The following MYBL2 variants were observed in gnomAD, a reference collection of about 807,000 sequenced individuals.
The protein encoded by MYBL2 is MYB proto-oncogene like 2.
MYBL2 carries 28 observed loss-of-function variants against 79.9 expected under a neutral mutation model. That is an observed-to-expected ratio of 0.35 (90% CI 0.26 to 0.48). MYBL2 has a LOEUF of 0.48. Ranked by LOEUF, MYBL2 falls within the 20% of genes least tolerant of loss-of-function variation. The pLI, the probability that MYBL2 is intolerant of heterozygous loss-of-function variation, is 0.99. For missense variants in MYBL2, 735 were observed against 893.9 expected (o/e 0.82, Z 2.27); for synonymous variants, 378 against 361.2 (o/e 1.05, Z -0.53).
chr20:43,715,842 G>T, intron 13 of MYBL2, 117 bp from the exon 14 acceptor site: 1 of 1,353,650 alleles, frequency 7.4e-7, no homozygotes, highest in Non-Finnish European at 1.0e-6. Flanking sequence ...GAATAAGAAG[G>T]CTCTGGCTTC....
intron 2 of MYBL2, among the ~76,000 whole-genome samples, chr20:43,678,193 A>G (rs1292856682): frequency 1.3e-5 from 2 of 152,106 alleles, no homozygotes; most frequent in Non-Finnish European, 2.9e-5. Flanking sequence ...TCTGCCTAGG[A>G]AAACCAGAGA....
intron 2 of MYBL2, among the ~76,000 whole-genome samples, chr20:43,679,183 C>A (rs920700695): frequency 1.3e-5 from 2 of 152,150 alleles, no homozygotes; most frequent in Non-Finnish European, 2.9e-5. Context: ...GGCTGGCTCA[C>A]CCAGAGAATT....
At chr20:43,697,288 G>A (rs1987566638) in intron 6 of MYBL2, among the ~76,000 whole-genome samples, 1 of 150,804 alleles carries the variant, frequency 6.6e-6, no homozygotes, top group African/African-American at 2.4e-5. Flanking sequence ...TTTTTTTTCA[G>A]CTTTATTAAA....
chr20:43,694,366 A>G (rs1987482268), intron 6 of MYBL2, among the ~76,000 whole-genome samples: 1 of 125,254 alleles, frequency 8.0e-6, no homozygotes, highest in South Asian at 3.0e-4. Flanking sequence ...AAATAAATAA[A>G]TAAAAATTTG....
intron 9 of MYBL2, among the ~76,000 whole-genome samples, chr20:43,706,960 C>T (rs920226859): frequency 5.3e-5 from 8 of 151,274 alleles, no homozygotes; most frequent in Non-Finnish European, 1.0e-4. Flanking sequence ...GTGATCCACT[C>T]GCCTCGGCTT....
At chr20:43,705,529 C>T (rs1372572945) in intron 9 of MYBL2, among the ~76,000 whole-genome samples, 171 bp downstream of exon 9, 8 of 152,096 alleles carry the variant, frequency 5.3e-5, no homozygotes, top group Non-Finnish European at 7.4e-5. Flanking sequence ...TCATTTTTAT[C>T]GATATAGTTT....
At chr20:43,678,568 G>T (rs1275163438) in intron 2 of MYBL2, among the ~76,000 whole-genome samples, 1 of 151,990 alleles carries the variant, frequency 6.6e-6, no homozygotes, top group Non-Finnish European at 1.5e-5. Flanking sequence ...CGATAAGAGA[G>T]ATGGGTGGCC....
Position 43,692,119 on chromosome 20 carries a change from AG to A in MYBL2, c.501-37del, listed in dbSNP as rs535607704. ...ATGTGCCTGATGGCACCCCACCCAC[AG>A]AGCTGGGGTTCAAAGGCCCCCTGCT... On this transcript the variant is annotated intron_variant, in intron 5 of 13. Coordinates refer to ENST00000217026, the MANE Select transcript of MYBL2 (RefSeq NM_002466.4). 133 of 1,597,974 alleles carry A rather than the reference AG, an allele frequency of 8.3e-5. No homozygotes were observed. In the African/African-American group the frequency reaches 1.2e-3, roughly 14 times the overall value.
intron 5 of MYBL2, among the ~76,000 whole-genome samples, chr20:43,689,028 G>T (rs570359315): frequency 6.6e-6 from 1 of 152,086 alleles, no homozygotes; most frequent in East Asian, 1.9e-4. Flanking sequence ...GACCTCAGGT[G>T]ATCTGCCTGC....
chr20:43,670,727 A>G (rs771602777), intron 1 of MYBL2, among the ~76,000 whole-genome samples: 52 of 152,248 alleles, frequency 3.4e-4, no homozygotes, highest in Non-Finnish European at 5.7e-4. Flanking sequence ...TGAGCTTTGG[A>G]GAACAAGGAG....
At chr20:43,669,945 A>T (rs181713684) in intron 1 of MYBL2, among the ~76,000 whole-genome samples, 7 of 152,296 alleles carry the variant, frequency 4.6e-5, no homozygotes, top group African/African-American at 1.4e-4. Flanking sequence ...CTCTACCAAA[A>T]ATACAAAAAT....
chr20:43,675,037 C>G (rs1600542054), intron 2 of MYBL2, among the ~76,000 whole-genome samples: 2 of 152,056 alleles, frequency 1.3e-5, no homozygotes, highest in Non-Finnish European at 2.9e-5. Flanking sequence ...GGCTGGAGTG[C>G]CGTGCTAGCA....
chr20:43,695,725 A>C (rs1244328659), intron 6 of MYBL2, among the ~76,000 whole-genome samples: 1 of 130,680 alleles, frequency 7.7e-6, no homozygotes, highest in Non-Finnish European at 1.7e-5. Context: ...ACACACCTGT[A>C]GTTCCAACTA....
intron 2 of MYBL2, among the ~76,000 whole-genome samples, chr20:43,674,231 A>C (rs3092244): frequency 0.79 from 75,728 of 95,462 alleles, 30,441 homozygotes; most frequent in Non-Finnish European, 0.86. Context: ...AACTCCCCCC[A>C]CCCTTTTTTT....
intron 6 of MYBL2, among the ~76,000 whole-genome samples, chr20:43,694,633 C>A (rs1987490960): frequency 6.6e-6 from 1 of 152,088 alleles, no homozygotes; most frequent in Non-Finnish European, 1.5e-5. Flanking sequence ...CTCGATTGCC[C>A]AATATGAATG....
At chr20:43,703,948 G>A (rs1987725937) in intron 8 of MYBL2, among the ~76,000 whole-genome samples, 1 of 151,992 alleles carries the variant, frequency 6.6e-6, no homozygotes, top group East Asian at 1.9e-4. Context: ...ATTTTTTCTT[G>A]TAAAACCTCT....
intron 1 of MYBL2, among the ~76,000 whole-genome samples, chr20:43,670,258 G>A (rs1986825487): frequency 6.6e-6 from 1 of 152,192 alleles, no homozygotes; most frequent in Admixed American, 6.5e-5. Flanking sequence ...TCTGTCACGA[G>A]CTGTCTGGGG....
chr20:43,674,976 A>G (rs538888970), intron 2 of MYBL2, among the ~76,000 whole-genome samples: 12 of 152,218 alleles, frequency 7.9e-5, no homozygotes, highest in African/African-American at 1.2e-4. Flanking sequence ...ATGCAATCAA[A>G]TGCCCTTTTT....
intron 1 of MYBL2, among the ~76,000 whole-genome samples, chr20:43,670,960 C>CTTTTTT (rs766959084): frequency 5.5e-5 from 8 of 144,568 alleles, no homozygotes; most frequent in African/African-American, 1.3e-4. Context: ...CCTATGATTT[C>CTTTTTT]TTTTTTTTCT....
Sources: gnomAD v4.1 joint callset for allele counts (sites outside exome capture counted in the v4.1 genomes callset) on GRCh38, gnomAD v4.1.1 for gene constraint, MANE v1.5 for transcripts, NCBI Gene and HGNC (gene_info 2026-07-23, HGNC 2026-07-21) for gene names.